Variants in GLIS3 observed in about 807,000 individuals in gnomAD.
GLIS3 encodes the protein GLIS family zinc finger 3, also known as zinc finger protein GLIS3.
GLIS3 carries 53 observed loss-of-function variants against 78.6 expected under a neutral mutation model. The ratio of observed to expected loss-of-function variants is 0.67; its 90% confidence interval spans 0.54 to 0.85. The LOEUF (loss-of-function observed/expected upper bound fraction) is 0.85. Among genes scored for constraint, GLIS3 ranks in the 40% least tolerant of loss-of-function variants. GLIS3 has a pLI of 0.00. For missense variants in GLIS3, 1,703 were observed against 1,231.1 expected (o/e 1.38, Z -5.74); for synonymous variants, 684 against 509.9 (o/e 1.34, Z -4.60).
intron 2 of GLIS3, among the ~76,000 whole-genome samples, chr9:4,163,775 G>A (rs1835682946): frequency 6.6e-6 from 1 of 152,214 alleles, no homozygotes; most frequent in African/African-American, 2.4e-5. Flanking sequence ...GCTCAGAATT[G>A]TGCTTAGTGT....
chr9:4,023,231 G>A (rs1166147444), intron 4 of GLIS3, among the ~76,000 whole-genome samples: 1 of 152,100 alleles, frequency 6.6e-6, no homozygotes, highest in Non-Finnish European at 1.5e-5. Flanking sequence ...TGCATTATCT[G>A]TTTTAGATTC....
At chr9:4,146,699 C>A (rs946960287) in intron 2 of GLIS3, among the ~76,000 whole-genome samples, 2 of 152,184 alleles carry the variant, frequency 1.3e-5, no homozygotes, top group Admixed American at 1.3e-4. Context: ...AGGGACAGAA[C>A]CCTGAATAAA....
In GLIS3 at chr9:4,287,080, T is replaced by C. The variant is rs1368823839; in HGVS notation, c.-98-557A>G. ...TAGGCCTGGGAATACCATAAAATTT[T>C]TATATATCCACATATTCATATATTC... On this transcript the variant is annotated intron_variant, in intron 1 of 10. Coordinates refer to ENST00000381971, the MANE Select transcript of GLIS3 (RefSeq NM_001042413.2). 1.5e-4 allele frequency among the ~76,000 whole-genome samples: 23 copies of C among 152,218 alleles called. 1 individual carries two copies. Among genetic ancestry groups the C allele is most frequent in the Admixed American group, 1.5e-3 (23 of 15,292 alleles).
chr9:3,846,389 G>A (rs1227493959), intron 9 of GLIS3, among the ~76,000 whole-genome samples: 2 of 152,124 alleles, frequency 1.3e-5, no homozygotes, highest in African/African-American at 4.8e-5. Flanking sequence ...TGTCTCACCT[G>A]GGAGGTTGCT....
Position 3,827,035 on chromosome 9 carries a change from A to G in GLIS3, c.*1237T>C, listed in dbSNP as rs1200662815. Reference sequence around the variant, plus strand: ...CAGGCCTTCAAACTGGAACTCAGAAAAAGAATTGCCTCTTTCTGTAGACTT... The same window carrying G: ...CAGGCCTTCAAACTGGAACTCAGAAGAAGAATTGCCTCTTTCTGTAGACTT... On this transcript the variant is annotated 3_prime_UTR_variant, in exon 11 of 11. Coordinates refer to ENST00000381971, the MANE Select transcript of GLIS3 (RefSeq NM_001042413.2). 2 of 152,178 alleles carry G rather than the reference A, an allele frequency of 1.3e-5. No homozygotes were observed. The highest frequency in any genetic ancestry group is 2.9e-5 in the Non-Finnish European group (2 of 68,046). 9.4% of individuals were successfully genotyped at this position (152,178 alleles called of 1,614,324 possible). A position where few individuals can be genotyped will look rare whatever the true frequency, so the allele number is the denominator to read the frequency against.
chr9:4,292,240 T>C (rs1276035118), intron 1 of GLIS3, among the ~76,000 whole-genome samples: 1 of 152,140 alleles, frequency 6.6e-6, no homozygotes, highest in East Asian at 1.9e-4. Flanking sequence ...AAAGCATTAT[T>C]TAATGAAATA....
At chr9:4,272,035 G>A (rs1280090333) in intron 2 of GLIS3, among the ~76,000 whole-genome samples, 1 of 152,190 alleles carries the variant, frequency 6.6e-6, no homozygotes, top group African/African-American at 2.4e-5. Context: ...AGAAGGCCTT[G>A]CAGATTGTGC....
the GLIS3 span, among the ~76,000 whole-genome samples, chr9:4,418,333 G>C: frequency 6.6e-6 from 1 of 152,208 alleles, no homozygotes; most frequent in Non-Finnish European, 1.5e-5. Context: ...TAGACATGCA[G>C]ATTGTAGCCT....
chr9:3,897,528 G>C (rs1410592504), intron 7 of GLIS3, among the ~76,000 whole-genome samples: 1 of 152,116 alleles, frequency 6.6e-6, no homozygotes, highest in Non-Finnish European at 1.5e-5. Context: ...ACCTGTACCT[G>C]AAACCTCTGT....
rs1205857764 is a variant in GLIS3, at chr9:4,006,347, C to T, written c.1711-69158G>A. Among the ~76,000 whole-genome samples, 6 of 137,760 alleles carry T rather than the reference C, an allele frequency of 4.4e-5. No homozygotes were observed. The East Asian group carries it at 6.3e-4, about 15-fold the overall frequency. 90.4% of individuals were successfully genotyped at this position (137,760 alleles called of 152,430 possible). A position where few individuals can be genotyped will look rare whatever the true frequency, so the allele number is the denominator to read the frequency against. On this transcript the variant is annotated intron_variant, in intron 4 of 10. Transcript: ENST00000381971. Reference sequence around the variant, plus strand: ...AAAAAAAACTAGAGTATTTCTAAATCGCAAACAACCATACATATGAAATTT... The same window carrying T: ...AAAAAAAACTAGAGTATTTCTAAATTGCAAACAACCATACATATGAAATTT...
chr9:4,091,416 C>T (rs984982691), intron 4 of GLIS3, among the ~76,000 whole-genome samples: 4 of 151,818 alleles, frequency 2.6e-5, no homozygotes, highest in East Asian at 1.9e-4. Context: ...GATTGGTACA[C>T]GGTAAGCATT....
intron 4 of GLIS3, among the ~76,000 whole-genome samples, chr9:3,988,211 T>C (rs892479767): frequency 2.0e-5 from 3 of 151,176 alleles, no homozygotes; most frequent in African/African-American, 4.9e-5. Flanking sequence ...AATAAAAAAA[T>C]AAAAAAACAT....
At position 4,015,850 on chromosome 9, in the gene GLIS3, T is replaced by C. The variant is rs552267361; in HGVS notation, c.1711-78661A>G. Among the ~76,000 whole-genome samples, 10 of 146,640 alleles carry C rather than the reference T, an allele frequency of 6.8e-5. No homozygotes were observed. In the South Asian group the frequency reaches 1.1e-3, roughly 16 times the overall value. On this transcript the variant is annotated intron_variant, in intron 4 of 10. Coordinates refer to ENST00000381971, the MANE Select transcript of GLIS3 (RefSeq NM_001042413.2). ...GTTGCAGTGAGCTGAGATCACGCCATTGCACTTTAGCCTGAGTGACAGAGC... is the reference window on the plus strand; with the variant it reads ...GTTGCAGTGAGCTGAGATCACGCCACTGCACTTTAGCCTGAGTGACAGAGC...
At chr9:4,421,390 T>A in the GLIS3 span, among the ~76,000 whole-genome samples, 1 of 152,186 alleles carries the variant, frequency 6.6e-6, no homozygotes, top group East Asian at 1.9e-4. Flanking sequence ...GATGCTGCTA[T>A]GAAAAAGGAA....
chr9:4,070,954 C>T (rs1482073919), intron 4 of GLIS3: 2 of 152,106 alleles, frequency 1.3e-5, no homozygotes, highest in South Asian at 4.2e-4. Context: ...TGCACATGTA[C>T]CCTCACAGGA....
intron 4 of GLIS3, among the ~76,000 whole-genome samples, chr9:4,026,269 C>G (rs1433186501): frequency 1.3e-5 from 2 of 152,214 alleles, no homozygotes; most frequent in African/African-American, 4.8e-5. Flanking sequence ...AGACAGACTA[C>G]AGACCAGTCT....
intron 4 of GLIS3, among the ~76,000 whole-genome samples, chr9:4,076,009 T>C (rs1353341535): frequency 1.3e-5 from 2 of 152,194 alleles, no homozygotes; most frequent in Non-Finnish European, 2.9e-5. Flanking sequence ...ATTAGTACTT[T>C]GTGAGGTGAT....
intron 4 of GLIS3, among the ~76,000 whole-genome samples, chr9:3,975,462 T>C (rs1247908510): frequency 6.6e-6 from 1 of 152,182 alleles, no homozygotes; most frequent in African/African-American, 2.4e-5. Flanking sequence ...AAAGTAACCT[T>C]GGGCGATTTG....
intron 2 of GLIS3, among the ~76,000 whole-genome samples, chr9:4,159,049 A>AAAAAAAAAAG (rs1835271528): frequency 1.3e-5 from 2 of 149,448 alleles, no homozygotes; most frequent in South Asian, 4.2e-4. Context: ...AAAAAAAAAA[A>AAAAAAAAAAG]GCCAGGCTAG....
Sources: allele counts gnomAD v4.1 joint callset (sites outside exome capture counted in the v4.1 genomes callset), GRCh38; gene constraint gnomAD v4.1.1; transcripts MANE v1.5; gene names NCBI Gene and HGNC (gene_info 2026-07-23, HGNC 2026-07-21).